CDIN1: variants seen among roughly 807,000 people sequenced by gnomAD.
CDIN1 encodes the protein CDAN1 interacting nuclease 1, also known as CDAN1-interacting nuclease 1.
Under a neutral mutation model 45.3 loss-of-function variants are expected in CDIN1, and 33 were observed. The ratio of observed to expected loss-of-function variants is 0.73; its 90% confidence interval spans 0.55 to 0.97. The LOEUF (loss-of-function observed/expected upper bound fraction) is 0.97, where lower values mean the gene tolerates loss of function less well. Among genes scored for constraint, CDIN1 ranks in the 50% least tolerant of loss-of-function variants. CDIN1 has a pLI of 0.00. For missense variants in CDIN1, 303 were observed against 339.4 expected (o/e 0.89, Z 0.84); for synonymous variants, 118 against 124.4 (o/e 0.95, Z 0.34).
chr15:36,763,590 G>T (rs1475819051), intron 10 of CDIN1, among the ~76,000 whole-genome samples: 1 of 152,152 alleles, frequency 6.6e-6, no homozygotes, highest in Non-Finnish European at 1.5e-5. Context: ...CAAGCCAGAA[G>T]AGAGAGGACT....
intron 1 of CDIN1, chr15:36,627,689 C>T (rs377305007): frequency 9.2e-5 from 14 of 152,490 alleles, no homozygotes; most frequent in African/African-American, 2.9e-4. Context: ...AGGGTCCACT[C>T]GGGGCTTCAC....
chr15:36,601,834 C>T (rs974137061), intron 1 of CDIN1, among the ~76,000 whole-genome samples: 12 of 152,314 alleles, frequency 7.9e-5, no homozygotes, highest in African/African-American at 2.9e-4. Flanking sequence ...TAAAAATAGA[C>T]AGCAGTGCTG....
chr15:36,690,351 C>A (rs1234876940), intron 5 of CDIN1, among the ~76,000 whole-genome samples: 1 of 151,994 alleles, frequency 6.6e-6, no homozygotes, highest in African/African-American at 2.4e-5. Context: ...TCACTGCAAC[C>A]TCCGCCTCCC....
chr15:36,672,795 T>TAAA (rs145207767), intron 5 of CDIN1, among the ~76,000 whole-genome samples: 119 of 146,668 alleles, frequency 8.1e-4, no homozygotes, highest in African/African-American at 2.7e-3. Context: ...GTTACTTCTT[T>TAAA]AAAAAAAAAA....
intron 8 of CDIN1, chr15:36,702,204 A>C (rs2042670993): frequency 2.9e-6 from 2 of 694,212 alleles, no homozygotes; most frequent in Middle Eastern, 2.4e-4. Flanking sequence ...GAAGGTTAAA[A>C]ATATGATGCT....
intron 10 of CDIN1, among the ~76,000 whole-genome samples, chr15:36,781,014 G>C (rs2054338561): frequency 6.6e-6 from 1 of 152,176 alleles, no homozygotes; most frequent in South Asian, 2.1e-4. Context: ...CAAAGTCCAG[G>C]ATATCACCAA....
At chr15:36,766,731 T>A (rs574007958) in intron 10 of CDIN1, among the ~76,000 whole-genome samples, 2 of 152,346 alleles carry the variant, frequency 1.3e-5, no homozygotes, top group African/African-American at 4.8e-5. Context: ...TGGAAAAATG[T>A]CTATTCAACT....
chr15:36,755,789 T>G (rs1049099435), intron 10 of CDIN1, among the ~76,000 whole-genome samples: 6 of 152,178 alleles, frequency 3.9e-5, no homozygotes, highest in South Asian at 4.1e-4. Context: ...AAGATTGCGG[T>G]CAGCAAACAG....
At chr15:36,653,293 A>T (rs947874785) in intron 3 of CDIN1, among the ~76,000 whole-genome samples, 1 of 152,074 alleles carries the variant, frequency 6.6e-6, no homozygotes, top group African/African-American at 2.4e-5. Flanking sequence ...GAGGGATGGG[A>T]GCGGGAGACA....
chr15:36,761,922 A>C (rs2053774587), intron 10 of CDIN1, among the ~76,000 whole-genome samples: 1 of 152,172 alleles, frequency 6.6e-6, no homozygotes, highest in South Asian at 2.1e-4. Context: ...AATAAATTTA[A>C]TGGGTCTAAT....
intron 1 of CDIN1, among the ~76,000 whole-genome samples, chr15:36,585,647 T>C (rs2037261456): frequency 6.6e-6 from 1 of 152,236 alleles, no homozygotes; most frequent in South Asian, 2.1e-4. Flanking sequence ...TAAGGTGGTG[T>C]CTGCCTTGGT....
intron 10 of CDIN1, among the ~76,000 whole-genome samples, chr15:36,798,186 C>T (rs2054883505): frequency 6.6e-6 from 1 of 152,070 alleles, no homozygotes; most frequent in Non-Finnish European, 1.5e-5. Context: ...GAAATACAAG[C>T]TGCCCTCATG....
intron 1 of CDIN1, among the ~76,000 whole-genome samples, chr15:36,591,599 G>T (rs185570562): frequency 6.6e-6 from 1 of 152,182 alleles, no homozygotes; most frequent in Non-Finnish European, 1.5e-5. Flanking sequence ...AACATGTTCA[G>T]TTTTTTATTT....
At chr15:36,798,134 T>G (rs1566981475) in intron 10 of CDIN1, among the ~76,000 whole-genome samples, 1 of 151,996 alleles carries the variant, frequency 6.6e-6, no homozygotes, top group African/African-American at 2.4e-5. Flanking sequence ...TATTCATATA[T>G]CCACTCAACA....
chr15:36,583,906 C>T (rs2037168941), intron 1 of CDIN1, among the ~76,000 whole-genome samples: 1 of 152,136 alleles, frequency 6.6e-6, no homozygotes, highest in Non-Finnish European at 1.5e-5. Flanking sequence ...GTCCCAGCTA[C>T]TCAGGAGACT....
At chr15:36,616,607 A>G (rs1384142322) in intron 1 of CDIN1, among the ~76,000 whole-genome samples, 1 of 152,030 alleles carries the variant, frequency 6.6e-6, no homozygotes, top group African/African-American at 2.4e-5. Context: ...TGCAAATTCC[A>G]GTATTGTTCC....
chr15:36,767,615 G>T (rs1265377738), intron 10 of CDIN1, among the ~76,000 whole-genome samples: 1 of 152,208 alleles, frequency 6.6e-6, no homozygotes, highest in Non-Finnish European at 1.5e-5. Context: ...AAAGCCACCT[G>T]GAAAGCTTCA....
intron 8 of CDIN1, among the ~76,000 whole-genome samples, chr15:36,700,320 T>C (rs531599767): frequency 6.6e-6 from 1 of 152,254 alleles, no homozygotes; most frequent in East Asian, 1.9e-4. Flanking sequence ...GAGAATGCAG[T>C]TTTCTCTCTG....
chr15:36,681,169 AAAT>A (rs1434070087), intron 5 of CDIN1, among the ~76,000 whole-genome samples: 1 of 152,186 alleles, frequency 6.6e-6, no homozygotes, highest in African/African-American at 2.4e-5. Context: ...TAAACTGAGT[AAAT>A]AAAAATAACT....
Sources: gnomAD v4.1 joint callset for allele counts (sites outside exome capture counted in the v4.1 genomes callset) on GRCh38, gnomAD v4.1.1 for gene constraint, MANE v1.5 for transcripts, NCBI Gene and HGNC (gene_info 2026-07-23, HGNC 2026-07-21) for gene names.